Variants in PCGF5 observed in about 807,000 individuals in gnomAD.
PCGF5 encodes polycomb group RING finger protein 5.
Under a neutral mutation model 44.3 loss-of-function variants are expected in PCGF5, and 9 were observed. The ratio of observed to expected loss-of-function variants is 0.20; its 90% CI spans 0.12 to 0.35. The LOEUF is 0.35. PCGF5 is among the 10% of genes least tolerant of loss of function. PCGF5 has a pLI of 1.00. For missense variants in PCGF5, 146 were observed against 305.3 expected (o/e 0.48, Z 3.89); for synonymous variants, 95 against 102.5 (o/e 0.93, Z 0.44).
At chr10:91,191,344 G>C (rs1157384356) in intron 1 of PCGF5, among the ~76,000 whole-genome samples, 1 of 152,162 alleles carries the variant, frequency 6.6e-6, no homozygotes, top group African/African-American at 2.4e-5. Flanking sequence ...ACTAAGAATG[G>C]TGGCACAGAC....
At position 91,270,913 on chromosome 10, in the gene PCGF5, G is replaced by A. The variant is rs1352886992; in HGVS notation, c.664-725G>A. Among the ~76,000 whole-genome samples the A allele has an allele frequency of 3.3e-5, 5 of 151,956 alleles. No individual in the cohort carries two copies. In the East Asian group the frequency reaches 9.7e-4, roughly 29 times the overall value. ...GTTTAGCATAGTATTTAAGAATTAG[G>A]ATTTGGGAATGATTTTTTTAAATGT... On this transcript the variant is annotated intron_variant, in intron 8 of 9. Coordinates refer to ENST00000336126, the MANE Select transcript of PCGF5 (RefSeq NM_032373.5).
chr10:91,249,807 G>T (rs922691255), intron 5 of PCGF5, among the ~76,000 whole-genome samples: 1 of 151,924 alleles, frequency 6.6e-6, no homozygotes, highest in East Asian at 1.9e-4. Flanking sequence ...TGGCAAAGAA[G>T]CTAAGCCTGG....
chr10:91,240,431 T>G (rs1031125806), intron 2 of PCGF5, 53 bp from the exon 3 acceptor site: 2 of 1,182,482 alleles, frequency 1.7e-6, no homozygotes, highest in Non-Finnish European at 2.5e-6. Flanking sequence ...TAGTTTAACA[T>G]TAAATGAGCG....
chr10:91,160,824 A>G (rs1843370493), upstream of PCGF5, among the ~76,000 whole-genome samples: 1 of 152,198 alleles, frequency 6.6e-6, no homozygotes, highest in South Asian at 2.1e-4. Context: ...CCTCGGGAAG[A>G]GAAAGTTCCT....
At chr10:91,192,977 T>C (rs147483591) in intron 1 of PCGF5, among the ~76,000 whole-genome samples, 64 of 152,320 alleles carry the variant, frequency 4.2e-4, no homozygotes, top group South Asian at 1.5e-3. Context: ...ACCTGGATTA[T>C]CTGGGTGGCC....
intron 2 of PCGF5, 57 bp downstream of exon 2, chr10:91,223,040 T>C: frequency 1.7e-6 from 2 of 1,150,582 alleles, no homozygotes; most frequent in Admixed American, 3.8e-5. Context: ...ATTTTGTTCT[T>C]TTAAAATTGC....
chr10:91,199,001 C>G (rs1844196616), intron 1 of PCGF5, among the ~76,000 whole-genome samples: 1 of 152,180 alleles, frequency 6.6e-6, no homozygotes, highest in South Asian at 2.1e-4. Flanking sequence ...GCCATGCTGA[C>G]CTTTTATGTA....
At chr10:91,188,733 A>G (rs1303723903) in intron 1 of PCGF5, among the ~76,000 whole-genome samples, 7 of 152,146 alleles carry the variant, frequency 4.6e-5, no homozygotes, top group African/African-American at 1.4e-4. Context: ...TTATGGAGGT[A>G]GTAGGTCTTT....
In PCGF5 at chr10:91,261,379, TA is replaced by T; in HGVS notation, c.534del (p.Lys178AsnfsTer3). 6.7e-7 allele frequency: 1 copy of T among 1,500,662 alleles called. No individual in the cohort carries two copies. Among genetic ancestry groups the T allele is most frequent in the Non-Finnish European group, 9.0e-7 (1 of 1,108,966 alleles). 93.0% of individuals were successfully genotyped at this position (1,500,662 alleles called of 1,614,324 possible). ...CTACACGTGTAACTGTGGGAACTAT[TA>T]AAAAATTTCTAAGTTTAAAACTAAA... is the stretch of plus-strand genomic sequence containing the variant. The part of the protein sequence containing the change: ...CSTRVTVGTI[K>X]KFLSLKLKLP... On this transcript the variant is annotated frameshift_variant, in exon 7 of 10. Coordinates refer to ENST00000336126, the MANE Select transcript of PCGF5 (RefSeq NM_032373.5). LOFTEE classifies it high-confidence loss of function.
intron 1 of PCGF5, among the ~76,000 whole-genome samples, chr10:91,178,546 C>T (rs535190661): frequency 6.6e-6 from 1 of 152,066 alleles, no homozygotes; most frequent in South Asian, 2.1e-4. Context: ...CAATTCACCA[C>T]ACCCGGCTAA....
intron 1 of PCGF5, among the ~76,000 whole-genome samples, chr10:91,193,576 G>C (rs1335471710): frequency 6.6e-6 from 1 of 151,986 alleles, no homozygotes; most frequent in Non-Finnish European, 1.5e-5. Flanking sequence ...GAGAGAGCAG[G>C]GGGATGAGTA....
At chr10:91,247,928 C>G (rs897652902) in intron 3 of PCGF5, among the ~76,000 whole-genome samples, 26 of 152,110 alleles carry the variant, frequency 1.7e-4, no homozygotes, top group Admixed American at 1.6e-3. Flanking sequence ...CTGGTCTTGG[C>G]TGGGCTCACT....
chr10:91,251,058 A>G (rs957879805), intron 5 of PCGF5, among the ~76,000 whole-genome samples: 7 of 151,262 alleles, frequency 4.6e-5, no homozygotes, highest in Non-Finnish European at 8.9e-5. Flanking sequence ...GGATGTCCCA[A>G]TGAGCCTAGA....
intron 1 of PCGF5, among the ~76,000 whole-genome samples, chr10:91,188,607 A>G (rs1474342310): frequency 1.3e-5 from 2 of 152,106 alleles, no homozygotes; most frequent in East Asian, 1.9e-4. Context: ...CCTTAATGTT[A>G]TCTTGTCTAC....
At chr10:91,187,982 A>AATT (rs923626972) in intron 1 of PCGF5, among the ~76,000 whole-genome samples, 7 of 151,490 alleles carry the variant, frequency 4.6e-5, no homozygotes, top group Non-Finnish European at 1.0e-4. Context: ...AATTTTTTTA[A>AATT]ATTATTATTA....
intron 2 of PCGF5, among the ~76,000 whole-genome samples, chr10:91,223,940 CT>C (rs1007520811): frequency 5.3e-5 from 8 of 151,124 alleles, no homozygotes; most frequent in African/African-American, 1.9e-4. Flanking sequence ...TACCATGGTA[CT>C]TTTTTTTTAA....
chr10:91,225,223 T>C (rs982307487), intron 2 of PCGF5, among the ~76,000 whole-genome samples: 1 of 147,788 alleles, frequency 6.8e-6, no homozygotes, highest in Non-Finnish European at 1.5e-5. Flanking sequence ...ATATATTTGA[T>C]ATATATCATA....
intron 2 of PCGF5, among the ~76,000 whole-genome samples, chr10:91,237,005 G>A (rs1845183010): frequency 1.3e-5 from 2 of 152,140 alleles, no homozygotes; most frequent in Admixed American, 1.3e-4. Flanking sequence ...TGTAAATAAA[G>A]TGTGAAGAAA....
chr10:91,266,648 G>A lies in PCGF5; in HGVS notation c.663+2128G>A, dbSNP rs1011625519. ...CTTGGTGTGACAAACCTGTTTTTTA[G>A]TTGCTTTCCTTCTCCAAACCTGTTT... On this transcript the variant is annotated intron_variant, in intron 8 of 9. Coordinates refer to ENST00000336126, the MANE Select transcript of PCGF5 (RefSeq NM_032373.5). 3.9e-5 allele frequency among the ~76,000 whole-genome samples: 6 copies of A among 152,142 alleles called. No individual in the cohort carries two copies. In the East Asian group the frequency reaches 7.7e-4, roughly 20 times the overall value.
Sources: gnomAD v4.1 joint callset for allele counts (sites outside exome capture counted in the v4.1 genomes callset) on GRCh38, gnomAD v4.1.1 for gene constraint, MANE v1.5 for transcripts, NCBI Gene and HGNC (gene_info 2026-07-23, HGNC 2026-07-21) for gene names.